The following TEAD1 variants were observed in gnomAD, a reference collection of about 807,000 sequenced individuals.
TEAD1 encodes transcriptional enhancer factor TEF-1.
A neutral mutation model predicts 54.9 loss-of-function variants in TEAD1; 9 were observed. The ratio of observed to expected loss-of-function variants is 0.16; its 90% confidence interval spans 0.10 to 0.29. The LOEUF (loss-of-function observed/expected upper bound fraction) is 0.29, where lower values mean the gene tolerates loss of function less well. Ranked by LOEUF, TEAD1 falls within the 10% of genes least tolerant of loss-of-function variation. The probability of loss-of-function intolerance (pLI) is 1.00; values close to 1 mark genes in which losing one functional copy is unlikely to be tolerated. For missense variants in TEAD1, 387 were observed against 535.9 expected, an observed-to-expected ratio of 0.72 and a Z score of 2.74; for synonymous variants, 200 against 187.8, an observed-to-expected ratio of 1.07 and a Z score of -0.53.
At chr11:12,897,270 G>T (rs1948331423) in intron 9 of TEAD1, among the ~76,000 whole-genome samples, 1 of 152,184 alleles carries the variant, frequency 6.6e-6, no homozygotes, top group Non-Finnish European at 1.5e-5. Flanking sequence ...ATTTGGGAAG[G>T]AGAGAAGCAA....
chr11:12,881,067 G>A lies in TEAD1; in HGVS notation c.512+16G>A. 1 of 1,614,014 alleles carries A rather than the reference G, an allele frequency of 6.2e-7. No homozygotes were observed. On this transcript the variant is annotated intron_variant, in intron 7 of 12. Transcript: ENST00000527636. ...CCTCACAAGAGTAAGTCTGAGGAGG[G>A]GTGGGCACTGACAACTACGGGCTGG...
chr11:12,900,123 T>G (rs763981015), intron 9 of TEAD1, among the ~76,000 whole-genome samples: 7 of 152,178 alleles, frequency 4.6e-5, no homozygotes, highest in African/African-American at 7.2e-5. Context: ...TGCAACAGCA[T>G]GATCATAGCT....
chr11:12,935,637 T>G (rs1949086059), intron 12 of TEAD1, among the ~76,000 whole-genome samples: 1 of 152,050 alleles, frequency 6.6e-6, no homozygotes, highest in South Asian at 2.1e-4. Context: ...TTTTTGTGTT[T>G]TTAGTAGAGA....
At chr11:12,705,909 A>G (rs958531214) in intron 2 of TEAD1, among the ~76,000 whole-genome samples, 8 of 152,344 alleles carry the variant, frequency 5.3e-5, no homozygotes, top group African/African-American at 1.9e-4. Flanking sequence ...TGTCTGACAA[A>G]GAAACTCCAT....
At chr11:12,696,504 AG>A (rs1157313111) in intron 2 of TEAD1, among the ~76,000 whole-genome samples, 1 of 152,224 alleles carries the variant, frequency 6.6e-6, no homozygotes, top group East Asian at 1.9e-4. Context: ...ACGAGACAAG[AG>A]ACCAAGGGAA....
intron 9 of TEAD1, among the ~76,000 whole-genome samples, chr11:12,885,690 A>T (rs566085764): frequency 7.2e-5 from 11 of 152,354 alleles, no homozygotes; most frequent in African/African-American, 2.6e-4. Context: ...TCATTTATAA[A>T]AATTCTCTTT....
At position 12,889,403 on chromosome 11, in the gene TEAD1, CA is replaced by C. The variant is rs541011535; in HGVS notation, c.699+6279del. ...GGCACGGCGGGTTCCTCCAGCCCCC[CA>C]CCAGGGCAGCAGCTGGCAAACCCCT... On this transcript the variant is annotated intron_variant, in intron 9 of 12. Transcript: ENST00000527636. Among the ~76,000 whole-genome samples the C allele has an allele frequency of 0.014, 10 of 734 alleles. No individual in the cohort carries two copies. In the South Asian group the frequency reaches 0.45, roughly 33 times the overall value. 0.5% of individuals were successfully genotyped at this position (734 alleles called of 152,430 possible). A position where few individuals can be genotyped will look rare whatever the true frequency, so the allele number is the denominator to read the frequency against.
chr11:12,764,465 C>T (rs1450348470), intron 3 of TEAD1, 31 bp downstream of exon 3: 3 of 1,610,330 alleles, frequency 1.9e-6, no homozygotes, highest in Non-Finnish European at 2.5e-6. Flanking sequence ...CTTTGAAATA[C>T]TACAACCTGC....
chr11:12,860,946 T>C (rs1156946737), intron 3 of TEAD1, among the ~76,000 whole-genome samples: 1 of 152,148 alleles, frequency 6.6e-6, no homozygotes, highest in Non-Finnish European at 1.5e-5. Context: ...TCTAGCACAA[T>C]GGTCTCAGGC....
In TEAD1 at chr11:12,831,821, T is replaced by C. The variant is rs558879930; in HGVS notation, c.203-30429T>C. Among the ~76,000 whole-genome samples, 82 of 152,142 alleles carry C rather than the reference T, an allele frequency of 5.4e-4. 3 individuals are homozygous for C. The South Asian group carries it at 0.016, about 29-fold the overall frequency. ...ATGTAGAGTCTCAGTTTGCCTATAA[T>C]ATTTATATTGCACAATAATACATTT... On this transcript the variant is annotated intron_variant, in intron 3 of 12. Transcript: ENST00000527636.
At chr11:12,799,522 A>T (rs1372812376) in intron 3 of TEAD1, among the ~76,000 whole-genome samples, 1 of 152,198 alleles carries the variant, frequency 6.6e-6, no homozygotes, top group East Asian at 1.9e-4. Context: ...CAGCGTTTTT[A>T]ACACCCACTA....
At chr11:12,699,877 T>C (rs1231851123) in intron 2 of TEAD1, among the ~76,000 whole-genome samples, 4 of 152,208 alleles carry the variant, frequency 2.6e-5, no homozygotes. Context: ...TGCAGTCTTT[T>C]GGGGGAAGTG....
intron 2 of TEAD1, among the ~76,000 whole-genome samples, chr11:12,687,087 A>C (rs1331303362): frequency 6.6e-5 from 10 of 152,112 alleles, no homozygotes; most frequent in Admixed American, 3.9e-4. Flanking sequence ...CTGGTTGGGA[A>C]TCCTCTGCTA....
At chr11:12,927,207 C>T (rs2134165657) in intron 11 of TEAD1, among the ~76,000 whole-genome samples, 1 of 152,270 alleles carries the variant, frequency 6.6e-6, no homozygotes, top group Non-Finnish European at 1.5e-5. Context: ...ACCTTTAAGC[C>T]TTTTATCTGT....
intron 2 of TEAD1, among the ~76,000 whole-genome samples, chr11:12,692,206 A>T (rs1011857589): frequency 2.0e-5 from 3 of 152,160 alleles, no homozygotes; most frequent in African/African-American, 7.2e-5. Flanking sequence ...TGCATCATAG[A>T]CTATGCACTT....
rs773192221 is a variant in TEAD1, at chr11:12,942,662, C to T, written c.*5440C>T. Reference sequence around the variant, plus strand: ...TGACAGTGCGCACTTATCTGGTTTACACAATGATACCATTTTGAAAGTTGG... The same window carrying T: ...TGACAGTGCGCACTTATCTGGTTTATACAATGATACCATTTTGAAAGTTGG... On this transcript the variant is annotated 3_prime_UTR_variant, in exon 13 of 13. Coordinates refer to ENST00000527636, the MANE Select transcript of TEAD1 (RefSeq NM_021961.6). The T allele has an allele frequency of 1.3e-5, 2 of 152,202 alleles. No individual in the cohort carries two copies. Among genetic ancestry groups the T allele is most frequent in the Non-Finnish European group, 2.9e-5 (2 of 68,046 alleles). The allele number at this position is 152,202 out of a possible 1,614,324, so 9.4% of individuals were successfully genotyped here. A position where few individuals can be genotyped will look rare whatever the true frequency, so the allele number is the denominator to read the frequency against.
intron 3 of TEAD1, among the ~76,000 whole-genome samples, chr11:12,854,609 T>C (rs1947335175): frequency 6.6e-6 from 1 of 152,086 alleles, no homozygotes; most frequent in South Asian, 2.1e-4. Flanking sequence ...CTTTCTTTTT[T>C]TAGACAGGGT....
chr11:12,836,928 A>G (rs1946904001), intron 3 of TEAD1, among the ~76,000 whole-genome samples: 1 of 152,234 alleles, frequency 6.6e-6, no homozygotes. Flanking sequence ...TATGAAATGC[A>G]GAGTTAAATA....
chr11:12,732,159 T>C (rs1005761005), intron 2 of TEAD1, among the ~76,000 whole-genome samples: 1 of 152,206 alleles, frequency 6.6e-6, no homozygotes, highest in Admixed American at 6.5e-5. Flanking sequence ...CAGCTGGTCA[T>C]TATATCCTTT....
Sources: allele counts gnomAD v4.1 joint callset (sites outside exome capture counted in the v4.1 genomes callset), GRCh38; gene constraint gnomAD v4.1.1; transcripts MANE v1.5; gene names NCBI Gene and HGNC (gene_info 2026-07-23, HGNC 2026-07-21).